The following MPPED2 variants were observed in gnomAD, a reference collection of about 807,000 sequenced individuals.
MPPED2 encodes metallophosphoesterase domain containing 2.
Under a neutral mutation model 33.0 loss-of-function variants are expected in MPPED2, and 5 were observed. The observed-to-expected ratio is 0.15, with a 90% CI of 0.08 to 0.32. The LOEUF is 0.32. Ranked by LOEUF, MPPED2 falls within the 10% of genes least tolerant of loss-of-function variation. MPPED2 has a pLI of 1.00. For synonymous variants in MPPED2, 136 were observed against 141.9 expected (o/e 0.96, Z 0.29); for missense variants, 275 against 372.1 (o/e 0.74, Z 2.15).
intron 2 of MPPED2, among the ~76,000 whole-genome samples, chr11:30,544,267 T>C (rs1456949243): frequency 6.6e-6 from 1 of 152,170 alleles, no homozygotes; most frequent in African/African-American, 2.4e-5. Flanking sequence ...GGTTAAACGT[T>C]TCCCTCCCTT....
intron 2 of MPPED2, among the ~76,000 whole-genome samples, chr11:30,545,135 A>T (rs1955342183): frequency 6.6e-6 from 1 of 152,154 alleles, no homozygotes; most frequent in East Asian, 1.9e-4. Context: ...CCTGGAGGGC[A>T]TGGAAAACAT....
At chr11:30,430,034 G>A (rs1455694529) in intron 4 of MPPED2, among the ~76,000 whole-genome samples, 1 of 152,086 alleles carries the variant, frequency 6.6e-6, no homozygotes, top group Non-Finnish European at 1.5e-5. Flanking sequence ...ATCTAGCACA[G>A]TGCCTGACAC....
At chr11:30,438,733 A>G (rs1949432769) in intron 4 of MPPED2, among the ~76,000 whole-genome samples, 1 of 152,236 alleles carries the variant, frequency 6.6e-6, no homozygotes, top group African/African-American at 2.4e-5. Flanking sequence ...TTTGAGATCA[A>G]TGAAGATAAT....
At chr11:30,449,311 C>T (rs561614879) in intron 4 of MPPED2, among the ~76,000 whole-genome samples, 4 of 152,214 alleles carry the variant, frequency 2.6e-5, no homozygotes, top group East Asian at 3.9e-4. Flanking sequence ...CCAACTATGC[C>T]GCTTTGTCAT....
At chr11:30,540,850 C>G (rs778564781) in intron 2 of MPPED2, among the ~76,000 whole-genome samples, 2 of 152,158 alleles carry the variant, frequency 1.3e-5, no homozygotes, top group Non-Finnish European at 2.9e-5. Context: ...TTATAATCCC[C>G]GGAAATCATC....
chr11:30,408,795 G>C (rs952945473), downstream of MPPED2, among the ~76,000 whole-genome samples: 4 of 152,210 alleles, frequency 2.6e-5, no homozygotes, highest in African/African-American at 9.6e-5. Context: ...GCAGGATTCT[G>C]TGAAGATTAG....
At chr11:30,527,443 G>C (rs192786796) in intron 3 of MPPED2, among the ~76,000 whole-genome samples, 1 of 151,686 alleles carries the variant, frequency 6.6e-6, no homozygotes, top group Non-Finnish European at 1.5e-5. Context: ...GTTAAGACAG[G>C]AGCCGGTGGG....
intron 3 of MPPED2, among the ~76,000 whole-genome samples, chr11:30,516,361 T>C (rs892411939): frequency 6.6e-6 from 1 of 152,190 alleles, no homozygotes; most frequent in Non-Finnish European, 1.5e-5. Context: ...TCTTAAAGGG[T>C]ACTTGGATAA....
chr11:30,411,260 C>T lies in MPPED2; in HGVS notation c.*208G>A, dbSNP rs1367561397. ...CTTTGAGAAAACAGAAGTCATTTTA[C>T]AAATTCACAATGTTCCTCTGATTTC... On this transcript the variant is annotated 3_prime_UTR_variant, in exon 7 of 7. Coordinates refer to ENST00000358117, the MANE Select transcript of MPPED2 (RefSeq NM_001584.3). 1 of 1,198,440 alleles carries T rather than the reference C, an allele frequency of 8.3e-7. No homozygotes were observed. The highest frequency in any genetic ancestry group is 1.0e-6 in the Non-Finnish European group (1 of 962,968). 74.2% of individuals were successfully genotyped at this position (1,198,440 alleles called of 1,614,324 possible).
chr11:30,554,101 T>C (rs908720546), intron 2 of MPPED2, among the ~76,000 whole-genome samples: 6 of 152,166 alleles, frequency 3.9e-5, no homozygotes, highest in African/African-American at 9.7e-5. Flanking sequence ...ACTTTGTGAA[T>C]TTCTCAGCAA....
At chr11:30,572,949 T>A (rs1956770077) in intron 2 of MPPED2, among the ~76,000 whole-genome samples, 1 of 152,184 alleles carries the variant, frequency 6.6e-6, no homozygotes, top group Admixed American at 6.5e-5. Context: ...GACCATTACG[T>A]CTATTGGCTG....
upstream of MPPED2, among the ~76,000 whole-genome samples, chr11:30,586,547 C>T (rs1406855533): frequency 6.6e-6 from 1 of 152,126 alleles, no homozygotes; most frequent in Non-Finnish European, 1.5e-5. The surrounding 1 kb of genome is among the most constrained non-coding windows in gnomAD (Gnocchi z 4.8). Context: ...GGGCGAGGCC[C>T]GGTAGCCTGC....
intron 3 of MPPED2, among the ~76,000 whole-genome samples, chr11:30,522,784 G>A (rs1049426185): frequency 2.0e-5 from 3 of 152,162 alleles, no homozygotes; most frequent in Non-Finnish European, 4.4e-5. Flanking sequence ...GTGAGAATGT[G>A]TGGAGTGAGC....
At chr11:30,484,965 C>A (rs906837048) in intron 4 of MPPED2, among the ~76,000 whole-genome samples, 2 of 152,172 alleles carry the variant, frequency 1.3e-5, no homozygotes, top group South Asian at 4.1e-4. Context: ...GTAATACCAC[C>A]ATAGAAACGA....
intron 6 of MPPED2, among the ~76,000 whole-genome samples, chr11:30,402,532 CAG>C (rs1271345652): frequency 6.6e-6 from 1 of 152,150 alleles, no homozygotes; most frequent in Non-Finnish European, 1.5e-5. Flanking sequence ...GTCCTGAGAT[CAG>C]AGAGACAAAT....
At chr11:30,409,976 C>A (rs991259490), downstream of MPPED2, 1 of 506,524 alleles carries the variant, frequency 2.0e-6, no homozygotes, top group East Asian at 1.5e-4. Flanking sequence ...GAAATTACAA[C>A]AGCCAAAGAT....
At chr11:30,468,562 G>T (rs1377919538) in intron 4 of MPPED2, among the ~76,000 whole-genome samples, 4 of 152,200 alleles carry the variant, frequency 2.6e-5, no homozygotes, top group African/African-American at 9.7e-5. Context: ...AGGAGGAGAA[G>T]AGGTAAAATA....
At chr11:30,457,943 T>A (rs756544548) in intron 4 of MPPED2, among the ~76,000 whole-genome samples, 2 of 152,192 alleles carry the variant, frequency 1.3e-5, no homozygotes, top group African/African-American at 4.8e-5. Flanking sequence ...GAGAGCAACC[T>A]CTGCTGCTGC....
chr11:30,441,316 A>T (rs1949562571), intron 4 of MPPED2: 1 of 152,228 alleles, frequency 6.6e-6, no homozygotes, highest in Admixed American at 6.5e-5. Context: ...AATGCTGCTG[A>T]GAAAAGGTTT....
Sources: allele counts gnomAD v4.1 joint callset (sites outside exome capture counted in the v4.1 genomes callset), GRCh38; gene constraint gnomAD v4.1.1; non-coding constraint Gnocchi (gnomAD v3.1); transcripts MANE v1.5; gene names NCBI Gene and HGNC (gene_info 2026-07-23, HGNC 2026-07-21).